DOCK3: variants seen among roughly 807,000 people sequenced by gnomAD.
The protein encoded by DOCK3 is dedicator of cytokinesis protein 3.
A neutral mutation model predicts 265.6 loss-of-function variants in DOCK3; 60 were observed. The ratio of observed to expected loss-of-function variants is 0.23; its 90% CI spans 0.18 to 0.28. DOCK3 has a LOEUF of 0.28. Among genes scored for constraint, DOCK3 ranks in the 10% least tolerant of loss-of-function variants. The probability of loss-of-function intolerance (pLI) is 1.00; values close to 1 mark genes in which losing one functional copy is unlikely to be tolerated. For synonymous variants in DOCK3, 881 were observed against 938.0 expected, an observed-to-expected ratio of 0.94 and a Z score of 1.11; for missense variants, 1,981 against 2,594.3, an observed-to-expected ratio of 0.76 and a Z score of 5.14.
intron 4 of DOCK3, among the ~76,000 whole-genome samples, chr3:50,903,290 T>C (rs1385542619): frequency 6.6e-6 from 1 of 152,198 alleles, no homozygotes; most frequent in Non-Finnish European, 1.5e-5. Flanking sequence ...CAATATGATA[T>C]TGGTTATGGG....
Position 51,198,670 on chromosome 3 carries a change from C to T in DOCK3, c.1038-10104C>T, listed in dbSNP as rs1239721994. Among the ~76,000 whole-genome samples the T allele has an allele frequency of 3.3e-5, 5 of 150,492 alleles. No homozygotes were observed. In the East Asian group the frequency reaches 9.8e-4, roughly 29 times the overall value. On this transcript the variant is annotated intron_variant, in intron 12 of 52. Transcript: ENST00000266037. ...GTGTGCATTTCTGTGGGTTTGAAAA[C>T]CCGCTTGCTCTTTATACGAATTCAA... is the stretch of plus-strand genomic sequence containing the variant.
intron 32 of DOCK3, among the ~76,000 whole-genome samples, chr3:51,318,151 G>A (rs766731300): frequency 2.0e-5 from 3 of 152,134 alleles, no homozygotes; most frequent in Non-Finnish European, 4.4e-5. Flanking sequence ...GGCCAAGGCA[G>A]GTGGAACATT....
chr3:51,381,908 G>A lies in DOCK3; in HGVS notation c.*349G>A. ...GACAGAATCACTTTGCCACACTGCA[G>A]GGCCCAGGAGTGGGAGCCCAGGCCC... On this transcript the variant is annotated 3_prime_UTR_variant, in exon 53 of 53. Transcript: ENST00000266037. This position sits in a 1 kb window ranked among gnomAD's most constrained non-coding sequence, Gnocchi z 5.6. 1 of 205,120 alleles carries A rather than the reference G, an allele frequency of 4.9e-6. No individual in the cohort carries two copies. Among genetic ancestry groups the A allele is most frequent in the East Asian group, 1.2e-4 (1 of 8,584 alleles). 12.7% of individuals were successfully genotyped at this position (205,120 alleles called of 1,614,324 possible). A position where few individuals can be genotyped will look rare whatever the true frequency, so the allele number is the denominator to read the frequency against.
rs2050762772 is a variant in DOCK3, at chr3:50,926,451, C to G, written c.219-7530C>G. Among the ~76,000 whole-genome samples the G allele has an allele frequency of 2.0e-5, 3 of 152,286 alleles. 1 individual carries two copies. In the South Asian group the frequency reaches 6.2e-4, roughly 32 times the overall value. On this transcript the variant is annotated intron_variant, in intron 4 of 52. Coordinates refer to ENST00000266037, the MANE Select transcript of DOCK3 (RefSeq NM_004947.5). ...CTCATTCTTGGTCTATTTACCAAAG[C>G]TTTTCTCAAACTCAGTCTCATGCTT...
intron 12 of DOCK3, among the ~76,000 whole-genome samples, chr3:51,180,225 A>AAAAC (rs1553780900): frequency 2.7e-5 from 4 of 145,490 alleles, no homozygotes; most frequent in East Asian, 2.2e-4. Flanking sequence ...AAAAAAAAAA[A>AAAAC]ACACACACAC....
chr3:51,020,686 A>G (rs1444876493), intron 5 of DOCK3, among the ~76,000 whole-genome samples: 2 of 151,942 alleles, frequency 1.3e-5, no homozygotes, highest in African/African-American at 2.4e-5. Flanking sequence ...TTTTCTGCAT[A>G]TGGCTAGCCA....
intron 5 of DOCK3, among the ~76,000 whole-genome samples, chr3:50,973,421 G>A (rs1282757146): frequency 3.5e-5 from 5 of 143,610 alleles, no homozygotes; most frequent in African/African-American, 1.3e-4. Context: ...AGTTTACTGA[G>A]AATGATGATT....
chr3:50,940,056 G>C (rs62257827), intron 5 of DOCK3, among the ~76,000 whole-genome samples: 6 of 40,714 alleles, frequency 1.5e-4, no homozygotes, highest in African/African-American at 5.1e-4. Context: ...CATACCCACA[G>C]ACACACACAT....
intron 33 of DOCK3, among the ~76,000 whole-genome samples, chr3:51,330,815 G>A (rs1350366244): frequency 6.6e-6 from 1 of 152,160 alleles, no homozygotes; most frequent in Non-Finnish European, 1.5e-5. Context: ...GGGAACTATG[G>A]CCCTCCCAAG....
At chr3:51,281,902 G>A (rs746021705) in intron 27 of DOCK3, among the ~76,000 whole-genome samples, 6 of 110,842 alleles carry the variant, frequency 5.4e-5, no homozygotes, top group East Asian at 5.2e-4. Flanking sequence ...GTTCGATGTC[G>A]CAAAAGATCT....
rs1049669549 is a variant in DOCK3, at chr3:51,043,902, C to T, written c.316-20546C>T. Among the ~76,000 whole-genome samples, 5 of 151,852 alleles carry T rather than the reference C, an allele frequency of 3.3e-5. 1 individual carries two copies. The highest frequency in any genetic ancestry group is 3.3e-4 in the Admixed American group (5 of 15,230). On this transcript the variant is annotated intron_variant, in intron 5 of 52. Coordinates refer to ENST00000266037, the MANE Select transcript of DOCK3 (RefSeq NM_004947.5). ...CACCATCTAATACCAATCAGAATGG[C>T]TAATATTAAAAAGTCAAAAAATAAC...
At chr3:51,328,920 A>G (rs2084331571) in intron 32 of DOCK3, among the ~76,000 whole-genome samples, 1 of 152,166 alleles carries the variant, frequency 6.6e-6, no homozygotes, top group Non-Finnish European at 1.5e-5. Context: ...TGGGAGGCTG[A>G]GGCAGGTGGA....
intron 14 of DOCK3, among the ~76,000 whole-genome samples, chr3:51,221,004 C>G (rs1212654118): frequency 6.6e-6 from 1 of 152,026 alleles, no homozygotes; most frequent in Non-Finnish European, 1.5e-5. Flanking sequence ...TGGGAGACCT[C>G]TGAGACTACT....
At chr3:50,837,112 T>C (rs1195209955) in intron 2 of DOCK3, among the ~76,000 whole-genome samples, 1 of 152,174 alleles carries the variant, frequency 6.6e-6, no homozygotes, top group Non-Finnish European at 1.5e-5. Context: ...GAGCCCTCAG[T>C]CTCTAGGAAG....
At chr3:50,686,598 C>T (rs1348885172) in intron 1 of DOCK3, among the ~76,000 whole-genome samples, 1 of 152,118 alleles carries the variant, frequency 6.6e-6, no homozygotes, top group African/African-American at 2.4e-5. Flanking sequence ...AAAGAAGGCC[C>T]TGGCTCAGTC....
At chr3:50,873,117 G>C (rs1435416986) in intron 3 of DOCK3, among the ~76,000 whole-genome samples, 1 of 152,162 alleles carries the variant, frequency 6.6e-6, no homozygotes, top group Non-Finnish European at 1.5e-5. Context: ...TTGCCCGGTA[G>C]CCAACACAGC....
chr3:50,903,057 TAAG>T (rs1400858573), intron 4 of DOCK3, among the ~76,000 whole-genome samples: 1 of 152,224 alleles, frequency 6.6e-6, no homozygotes, highest in African/African-American at 2.4e-5. Flanking sequence ...CCTATCAGCT[TAAG>T]AAGCTTTTGG....
chr3:51,003,823 G>A (rs1301420854), intron 5 of DOCK3, among the ~76,000 whole-genome samples: 2 of 152,136 alleles, frequency 1.3e-5, no homozygotes, highest in Admixed American at 6.5e-5. Context: ...TTTTGTCCAG[G>A]TGTTGGTGAA....
chr3:50,730,686 C>T (rs887136680), intron 1 of DOCK3, among the ~76,000 whole-genome samples: 1 of 151,786 alleles, frequency 6.6e-6, no homozygotes, highest in African/African-American at 2.4e-5. Flanking sequence ...AAAAAATTAG[C>T]CAGGTGCTGT....
Sources: gnomAD v4.1 joint callset for allele counts (sites outside exome capture counted in the v4.1 genomes callset) on GRCh38, gnomAD v4.1.1 for gene constraint, Gnocchi (gnomAD v3.1) non-coding constraint, MANE v1.5 for transcripts, NCBI Gene and HGNC (gene_info 2026-07-23, HGNC 2026-07-21) for gene names.